GNL3L: variants seen among roughly 807,000 people sequenced by gnomAD.
GNL3L encodes G protein nucleolar 3 like, also known as guanine nucleotide-binding protein-like 3-like protein.
GNL3L carries 4 observed loss-of-function variants against 42.9 expected under a neutral mutation model. The ratio of observed to expected loss-of-function variants is 0.09; its 90% CI spans 0.05 to 0.21. The LOEUF (loss-of-function observed/expected upper bound fraction) is 0.21, where lower values mean the gene tolerates loss of function less well. Among genes scored for constraint, GNL3L ranks in the 10% least tolerant of loss-of-function variants. The pLI is 1.00. For missense variants in GNL3L, 412 were observed against 481.7 expected, an observed-to-expected ratio of 0.86 and a Z score of 1.36; for synonymous variants, 159 against 176.3, an observed-to-expected ratio of 0.90 and a Z score of 0.78.
the GNL3L span, among the ~76,000 whole-genome samples, chrX:54,643,933 A>G: frequency 8.9e-6 from 1 of 112,154 alleles, no homozygotes; most frequent in Non-Finnish European, 1.9e-5. Flanking sequence ...GTTGTTATAA[A>G]TGACAGGATT....
chrX:54,558,424 G>C lies in GNL3L; in HGVS notation c.1447-12G>C, dbSNP rs751143951. 1.8e-6 allele frequency: 2 copies of C among 1,142,814 alleles called. No individual in the cohort carries two copies. The highest frequency in any genetic ancestry group is 2.2e-5 in the Admixed American group (1 of 45,473). The allele number at this position is 1,142,814 out of a possible 1,213,427, so 94.2% of individuals were successfully genotyped here. ...TTAAGACCTCATCGTTATGTTTTCT[G>C]TCTCTTCCTAGATTGGAGATCTCAC... On this transcript the variant is annotated splice_polypyrimidine_tract_variant and intron_variant, in intron 14 of 15. Transcript: ENST00000360845.
chrX:54,603,065 T>G (rs1667451298), intron 16 of GNL3L, among the ~76,000 whole-genome samples: 1 of 112,036 alleles, frequency 8.9e-6, no homozygotes, highest in Admixed American at 9.5e-5. Flanking sequence ...TAATAAAATA[T>G]AAGCCTAGAA....
Position 54,562,946 on chromosome X carries a change from C to T in GNL3L, c.*2344C>T, listed in dbSNP as rs1260885845. Among the ~76,000 whole-genome samples, 1 of 111,401 alleles carries T rather than the reference C, an allele frequency of 9.0e-6. No individual in the cohort carries two copies. The highest frequency in any genetic ancestry group is 1.9e-5 in the Non-Finnish European group (1 of 53,116). ...CTTAACAAAGGAAGATTGATTAAGCCCCTACTTTGTGCCAGTCTCTGTTAT... is the reference window on the plus strand; with the variant it reads ...CTTAACAAAGGAAGATTGATTAAGCTCCTACTTTGTGCCAGTCTCTGTTAT... On this transcript the variant is annotated 3_prime_UTR_variant, in exon 16 of 16. Coordinates refer to ENST00000360845, the MANE Select transcript of GNL3L (RefSeq NM_001184819.2).
At chrX:54,559,185 A>G (rs748606548) in intron 15 of GNL3L, among the ~76,000 whole-genome samples, 1 of 111,393 alleles carries the variant, frequency 9.0e-6, no homozygotes, top group South Asian at 3.8e-4. Context: ...TAGAATTTGT[A>G]TTTCTAACAG....
chrX:54,622,392 C>T (rs1489548902), downstream of GNL3L, among the ~76,000 whole-genome samples: 2 of 99,300 alleles, frequency 2.0e-5, no homozygotes, highest in Non-Finnish European at 3.9e-5. Context: ...TCAAGCGATT[C>T]TCCTGCCTCA....
chrX:54,544,610 C>G (rs1453347891), intron 8 of GNL3L, among the ~76,000 whole-genome samples: 1 of 109,458 alleles, frequency 9.1e-6, no homozygotes, highest in African/African-American at 3.3e-5. Flanking sequence ...GCTGGGATTA[C>G]ATGCACGCGT....
At position 54,566,468 on chromosome X, in the gene GNL3L, A is replaced by C. The variant is rs1215814589; in HGVS notation, c.*5866A>C. On this transcript the variant is annotated 3_prime_UTR_variant, in exon 16 of 16. Coordinates refer to ENST00000360845, the MANE Select transcript of GNL3L (RefSeq NM_001184819.2). ...ACCAAAACTGTACTTATTAAACAAT[A>C]ACCTCCCAACCCCTTCTGCCCACAA... 8.9e-6 allele frequency among the ~76,000 whole-genome samples: 1 copy of C among 111,929 alleles called. No homozygotes were observed. Among genetic ancestry groups the C allele is most frequent in the Non-Finnish European group, 1.9e-5 (1 of 53,205 alleles).
intron 16 of GNL3L, among the ~76,000 whole-genome samples, chrX:54,590,317 G>A (rs186480196): frequency 1.8e-5 from 2 of 112,095 alleles, no homozygotes; most frequent in Non-Finnish European, 3.8e-5. Flanking sequence ...ATGATGTTGA[G>A]CATCTTTTCA....
chrX:54,536,451 A>T (rs1924426992), intron 2 of GNL3L, among the ~76,000 whole-genome samples: 1 of 110,247 alleles, frequency 9.1e-6, no homozygotes, highest in Non-Finnish European at 1.9e-5. Context: ...TGGGATCTTT[A>T]TTCTGATTTA....
intron 16 of GNL3L, among the ~76,000 whole-genome samples, chrX:54,602,016 T>C (rs1926010008): frequency 8.9e-6 from 1 of 111,938 alleles, no homozygotes; most frequent in East Asian, 2.8e-4. Context: ...GTTTCCATTT[T>C]TGATGATTAT....
chrX:54,586,904 C>A (rs1602001923), intron 16 of GNL3L, among the ~76,000 whole-genome samples: 1 of 111,552 alleles, frequency 9.0e-6, no homozygotes, highest in African/African-American at 3.3e-5. Flanking sequence ...CTTGCTCCTA[C>A]CACCACTGCT....
intron 16 of GNL3L, among the ~76,000 whole-genome samples, chrX:54,590,893 C>T (rs1401653940): frequency 1.1e-4 from 12 of 110,523 alleles, no homozygotes; most frequent in African/African-American, 3.3e-4. Flanking sequence ...TGCAGTGGCA[C>T]GATTTCGGCT....
intron 16 of GNL3L, among the ~76,000 whole-genome samples, chrX:54,594,399 A>G (rs1030057985): frequency 1.8e-5 from 2 of 110,726 alleles, no homozygotes; most frequent in African/African-American, 3.3e-5. Context: ...CTTGAAATCT[A>G]TTTTGTCTGA....
chrX:54,590,635 C>A (rs1237665752), intron 16 of GNL3L, among the ~76,000 whole-genome samples: 1 of 111,066 alleles, frequency 9.0e-6, no homozygotes, highest in Non-Finnish European at 1.9e-5. Context: ...TTGATGTGAT[C>A]CTATTTTTGC....
intron 16 of GNL3L, among the ~76,000 whole-genome samples, chrX:54,603,079 C>A (rs368999397): frequency 9.8e-5 from 11 of 111,893 alleles, no homozygotes; most frequent in African/African-American, 3.6e-4. Flanking sequence ...CCTAGAACAT[C>A]TTGCTGTGTC....
At chrX:54,571,402 A>C (rs1170989174), downstream of GNL3L, among the ~76,000 whole-genome samples, 1 of 108,219 alleles carries the variant, frequency 9.2e-6, no homozygotes, top group Non-Finnish European at 1.9e-5. Flanking sequence ...TTACCGTGTT[A>C]GCCAGGATGG....
chrX:54,577,172 C>T (rs781238666), intron 16 of GNL3L, among the ~76,000 whole-genome samples: 1 of 112,262 alleles, frequency 8.9e-6, no homozygotes, highest in Non-Finnish European at 1.9e-5. Flanking sequence ...GTTTTTGCGA[C>T]TGGCTTATTT....
chrX:54,550,255 A>G (rs1003172632), intron 9 of GNL3L, among the ~76,000 whole-genome samples: 2 of 107,909 alleles, frequency 1.9e-5, no homozygotes, highest in South Asian at 8.7e-4. Context: ...ACTTCCATGC[A>G]TGGTGATAAT....
At chrX:54,580,434 A>G (rs1925699117) in intron 16 of GNL3L, among the ~76,000 whole-genome samples, 1 of 110,433 alleles carries the variant, frequency 9.1e-6, no homozygotes, top group African/African-American at 3.3e-5. Context: ...AGTCTGTGCT[A>G]TTGTGAATAG....
Sources: gnomAD v4.1 joint callset for allele counts (sites outside exome capture counted in the v4.1 genomes callset) on GRCh38, gnomAD v4.1.1 for gene constraint, MANE v1.5 for transcripts, NCBI Gene and HGNC (gene_info 2026-07-23, HGNC 2026-07-21) for gene names.